The following CLCNKA variants were observed in gnomAD, a reference collection of about 807,000 sequenced individuals.
The protein encoded by CLCNKA is chloride channel protein ClC-Ka.
A neutral mutation model predicts 83.3 loss-of-function variants in CLCNKA; 66 were observed. That is an observed-to-expected ratio of 0.79 (90% CI 0.65 to 0.97). The LOEUF (loss-of-function observed/expected upper bound fraction) is 0.97, where lower values mean the gene tolerates loss of function less well. Ranked by LOEUF, CLCNKA falls within the 50% of genes least tolerant of loss-of-function variation. The pLI, the probability that CLCNKA is intolerant of heterozygous loss-of-function variation, is 0.00. For synonymous variants in CLCNKA, 357 were observed against 370.4 expected, an observed-to-expected ratio of 0.96 and a Z score of 0.42; for missense variants, 806 against 888.7, an observed-to-expected ratio of 0.91 and a Z score of 1.18.
chr1:16,028,841 CT>C lies in CLCNKA; in HGVS notation c.1050del (p.Arg351GlyfsTer4). ...YPPGVGHFLA[S>X]RLSMKQHLDS... ...CCTGGTGTGGGCCACTTCCTAGCTT[CT>C]CGGGTAAGGGGTCCTGAGCGGGGGT... On this transcript the variant is annotated frameshift_variant, in exon 11 of 20. Transcript: ENST00000331433. LOFTEE classifies it high-confidence loss of function. 1 of 1,614,084 alleles carries C rather than the reference CT, an allele frequency of 6.2e-7. No homozygotes were observed. Among genetic ancestry groups the C allele is most frequent in the Non-Finnish European group, 8.5e-7 (1 of 1,180,004 alleles).
chr1:16,028,020 G>A lies in CLCNKA; in HGVS notation c.869G>A (p.Gly290Asp). The stretch of plus-strand genomic sequence containing the variant: ...TCTTACCTCCCTTCACCCCGCAGTG[G>A]CATCTGCGGCGTCCTGAGCTGTGCT... ...PEIFFFVALG[G>D]ICGVLSCAYL... Residue 290 changes from glycine to aspartate, a missense_variant and splice_region_variant, in exon 10 of 20, where the codon GGC becomes GAC. Coordinates refer to ENST00000331433, the MANE Select transcript of CLCNKA (RefSeq NM_004070.4). The A allele has an allele frequency of 2.5e-6, 4 of 1,613,914 alleles. No individual in the cohort carries two copies. Among genetic ancestry groups the A allele is most frequent in the Non-Finnish European group, 2.5e-6 (3 of 1,179,916 alleles).
chr1:16,027,486 G>C (rs1399556908), intron 8 of CLCNKA, 51 bp downstream of exon 8: 9 of 1,608,378 alleles, frequency 5.6e-6, no homozygotes, highest in Non-Finnish European at 7.6e-6. Context: ...GCCGGGGCGA[G>C]GGAGACCTCC....
rs2022287331 is a variant in CLCNKA at position 16,024,888 on chromosome 1, G to A, written c.355G>A (p.Gly119Arg). 3.7e-6 allele frequency: 6 copies of A among 1,614,132 alleles called. No homozygotes were observed. The highest frequency in any genetic ancestry group is 5.1e-6 in the Non-Finnish European group (6 of 1,180,016). Residue 119 changes from glycine (G) to arginine (R), a missense_variant, in exon 4 of 20, where the codon GGA (glycine) becomes AGA (arginine). Gly to Arg is a moderately radical substitution (Grantham distance 125, BLOSUM62 -2). Transcript: ENST00000331433. ...CTCCCAGAGCATCACGCCCTCCTCT[G>A]GAGGTGAGTCCACGGTCGCCATGCC... ...GFSQSITPSS[G>R]GSGIPELKTM...
At position 16,030,167 on chromosome 1, in the gene CLCNKA, G is replaced by A. The variant is rs944283031; in HGVS notation, c.1408+92G>A. ...TGGTGGTTCCCCAGGGCACGGAGCA[G>A]TCACTGAGTCCTCCAGTGAACCCCC... On this transcript the variant is annotated intron_variant, in intron 14 of 19. Coordinates refer to ENST00000331433, the MANE Select transcript of CLCNKA (RefSeq NM_004070.4). 1.2e-5 allele frequency: 11 copies of A among 933,634 alleles called. No homozygotes were observed. In the African/African-American group the frequency reaches 1.6e-4, roughly 14 times the overall value. 57.8% of individuals were successfully genotyped at this position (933,634 alleles called of 1,614,324 possible). A position where few individuals can be genotyped will look rare whatever the true frequency, so the allele number is the denominator to read the frequency against.
At chr1:16,032,664 A>G in intron 18 of CLCNKA, 138 bp downstream of exon 18, 1 of 719,462 alleles carries the variant, frequency 1.4e-6, no homozygotes, top group South Asian at 1.6e-5. Context: ...GGGCCTGGAC[A>G]GGGCAGCTCC....
intron 4 of CLCNKA, 41 bp from the exon 5 acceptor site, chr1:16,026,067 T>G: frequency 1.9e-6 from 3 of 1,611,810 alleles, no homozygotes; most frequent in Non-Finnish European, 2.5e-6. Context: ...AGTTTTAATC[T>G]AGAGATTGTC....
chr1:16,031,754 C>T lies in CLCNKA; in HGVS notation c.1667C>T (p.Thr556Ile). The T allele has an allele frequency of 6.2e-7, 1 of 1,613,950 alleles. No individual in the cohort carries two copies. Among genetic ancestry groups the T allele is most frequent in the East Asian group, 2.2e-5 (1 of 44,886 alleles). ...GAGCACTTCATGAACCACAGCATCA[C>T]CACACTGGCCAAGGACACGCCGCTG... ...RVEHFMNHSI[T>I]TLAKDTPLEE... is the part of the protein sequence containing the mutation. The change falls in exon 16 of 20, where the codon ACC becomes ATC. Residue 556 changes from threonine (T) to isoleucine (I), a missense_variant. Transcript: ENST00000331433.
intron 14 of CLCNKA, among the ~76,000 whole-genome samples, 158 bp from the exon 15 acceptor site, chr1:16,030,303 C>T (rs2022571593): frequency 6.6e-6 from 1 of 152,220 alleles, no homozygotes; most frequent in Admixed American, 6.5e-5. Context: ...TCTCCTCTCA[C>T]CAAGCCCAGG....
At chr1:16,022,237 C>A (rs1329568328) in intron 1 of CLCNKA, among the ~76,000 whole-genome samples, 174 bp downstream of exon 1, 1 of 152,032 alleles carries the variant, frequency 6.6e-6, no homozygotes, top group Non-Finnish European at 1.5e-5. Flanking sequence ...GGAGGGTGCT[C>A]CGAGATTGGC....
intron 10 of CLCNKA, chr1:16,028,515 TCTC>T (rs1379979580): frequency 3.0e-6 from 2 of 659,402 alleles, no homozygotes; most frequent in African/African-American, 1.8e-5. Context: ...CTGCCCCAAT[TCTC>T]CTCTCAATCT....
rs1172957093 is a variant in CLCNKA, at chr1:16,028,750, AC to A, written c.969-5del. 3.7e-6 allele frequency: 6 copies of A among 1,609,780 alleles called. No homozygotes were observed. The Admixed American group carries it at 6.7e-5, about 18-fold the overall frequency. On this transcript the variant is annotated splice_polypyrimidine_tract_variant and intron_variant, in intron 10 of 19. Transcript: ENST00000331433. ...GGAGGGCCAGCCCTAGAGCTCACCC[AC>A]CCCCCACAGCAAGCCTGTGTACTCC... is the stretch of plus-strand genomic sequence containing the variant.
At position 16,027,330 on chromosome 1, in the gene CLCNKA, G is replaced by A; in HGVS notation, c.676G>A (p.Val226Ile). The A allele has an allele frequency of 6.2e-7, 1 of 1,613,460 alleles. No homozygotes were observed. Among genetic ancestry groups the A allele is most frequent in the Non-Finnish European group, 8.5e-7 (1 of 1,179,980 alleles). ...PFSGVLFSIE[V>I]MSSHFSVRDY... is the part of the protein sequence containing the mutation. ...CCCAGGCGTCCTGTTCAGCATCGAG[G>A]TCATGTCTTCCCACTTCTCTGTCCG... The change falls in exon 8 of 20, where the codon GTC (valine) becomes ATC (isoleucine). Residue 226 changes from valine (V) to isoleucine (I), a missense_variant. Val to Ile is a conservative substitution (Grantham distance 29, BLOSUM62 3). Coordinates refer to ENST00000331433, the MANE Select transcript of CLCNKA (RefSeq NM_004070.4).
rs1176943824 is a variant in CLCNKA, at chr1:16,026,108, G to A, written c.359G>A (p.Gly120Asp). 1.2e-6 allele frequency: 2 copies of A among 1,612,332 alleles called. No homozygotes were observed. Among genetic ancestry groups the A allele is most frequent in the East Asian group, 2.2e-5 (1 of 44,886 alleles). ...CTTGTTCCTGTCCTGTCTGGCTAAG[G>A]TTCTGGAATCCCGGAGCTGAAGACC... ...FSQSITPSSG[G>D]SGIPELKTML... Residue 120 changes from glycine to aspartate, a missense_variant and splice_region_variant, in exon 5 of 20, where the codon GGT becomes GAT. Gly to Asp is a moderately conservative substitution (Grantham distance 94). Coordinates refer to ENST00000331433, the MANE Select transcript of CLCNKA (RefSeq NM_004070.4).
At position 16,033,755 on chromosome 1, in the gene CLCNKA, C is replaced by G; in HGVS notation, c.*97C>G. The stretch of plus-strand genomic sequence containing the variant: ...CTTCCCCCATCACCACCTGCCCCTC[C>G]CTCCAGCCCAGCTCCATTCTTTGGC... On this transcript the variant is annotated 3_prime_UTR_variant, in exon 20 of 20. Transcript: ENST00000331433. The G allele has an allele frequency of 8.4e-7, 1 of 1,190,262 alleles. No homozygotes were observed. Among genetic ancestry groups the G allele is most frequent in the Non-Finnish European group, 1.2e-6 (1 of 803,996 alleles). The allele number at this position is 1,190,262 out of a possible 1,614,324, so 73.7% of individuals were successfully genotyped here. A position where few individuals can be genotyped will look rare whatever the true frequency, so the allele number is the denominator to read the frequency against.
chr1:16,032,903 C>T (rs1305527217), intron 18 of CLCNKA, among the ~76,000 whole-genome samples: 2 of 152,246 alleles, frequency 1.3e-5, no homozygotes, highest in African/African-American at 4.8e-5. Context: ...CGGAGGCTGA[C>T]AGGGGACCTG....
rs541088617 is a variant in CLCNKA, at chr1:16,023,213, C to T, written c.100+494C>T. Among the ~76,000 whole-genome samples the T allele has an allele frequency of 1.1e-3, 173 of 152,350 alleles. No homozygotes were observed. The Middle Eastern group carries it at 0.014, about 12-fold the overall frequency. ...GCTGGTGCCCACAGCCAGTGAGGGC[C>T]AGCTCCCAGGCTGGGCTGCAGCCAG... is the stretch of plus-strand genomic sequence containing the variant. On this transcript the variant is annotated intron_variant, in intron 2 of 19. Coordinates refer to ENST00000331433, the MANE Select transcript of CLCNKA (RefSeq NM_004070.4).
intron 11 of CLCNKA, 90 bp downstream of exon 11, chr1:16,028,935 A>G (rs2022498752): frequency 6.6e-7 from 1 of 1,525,954 alleles, no homozygotes; most frequent in Non-Finnish European, 9.1e-7. Flanking sequence ...TCAGCACCCC[A>G]CCAGGGTGAC....
intron 18 of CLCNKA, 135 bp downstream of exon 18, chr1:16,032,661 G>A (rs986245060): frequency 4.0e-6 from 3 of 741,292 alleles, no homozygotes. Flanking sequence ...CCTGGGCCTG[G>A]ACAGGGCAGC....
At position 16,028,126 on chromosome 1, in the gene CLCNKA, T is replaced by C. The variant is rs1431527338; in HGVS notation, c.968+7T>C. On this transcript the variant is annotated splice_region_variant and intron_variant, in intron 10 of 19. Coordinates refer to ENST00000331433, the MANE Select transcript of CLCNKA (RefSeq NM_004070.4). ...CCAAACTGCTGGCTACTAGGTAGGC[T>C]CTGGGCTAGGGGCTGGGGACATCTC... The C allele has an allele frequency of 6.2e-7, 1 of 1,612,910 alleles. No homozygotes were observed. Among genetic ancestry groups the C allele is most frequent in the Admixed American group, 1.7e-5 (1 of 59,926 alleles).
Sources: gnomAD v4.1 joint callset for allele counts (sites outside exome capture counted in the v4.1 genomes callset) on GRCh38, gnomAD v4.1.1 for gene constraint, MANE v1.5 for transcripts, NCBI Gene and HGNC (gene_info 2026-07-23, HGNC 2026-07-21) for gene names.